The following COL5A1 variants were observed in gnomAD, a reference collection of about 807,000 sequenced individuals.
COL5A1 encodes collagen type V alpha 1 chain, also known as collagen alpha-1(V) chain.
COL5A1 carries 16 observed loss-of-function variants against 263.7 expected under a neutral mutation model. The observed-to-expected ratio is 0.06, with a 90% CI of 0.04 to 0.09. COL5A1 has a LOEUF of 0.09. COL5A1 is among the 10% of genes least tolerant of loss of function. The pLI, the probability that COL5A1 is intolerant of heterozygous loss-of-function variation, is 1.00. For synonymous variants in COL5A1, 1,012 were observed against 1,004.5 expected, an observed-to-expected ratio of 1.01 and a Z score of -0.14; for missense variants, 2,036 against 2,540.5, an observed-to-expected ratio of 0.80 and a Z score of 4.27.
chr9:134,690,087 A>G (rs898198730), intron 1 of COL5A1, among the ~76,000 whole-genome samples: 1 of 151,994 alleles, frequency 6.6e-6, no homozygotes, highest in African/African-American at 2.4e-5. Flanking sequence ...CCTGGTAATG[A>G]TCACGGCTTC....
chr9:134,711,052 TG>T (rs944958933), intron 4 of COL5A1, among the ~76,000 whole-genome samples: 3 of 149,018 alleles, frequency 2.0e-5, no homozygotes, highest in African/African-American at 7.4e-5. Context: ...GGGGACCACT[TG>T]GGGGGGCAGC....
intron 36 of COL5A1, among the ~76,000 whole-genome samples, chr9:134,797,319 C>T (rs1441937471): frequency 6.6e-6 from 1 of 152,208 alleles, no homozygotes; most frequent in Non-Finnish European, 1.5e-5. Context: ...TCAGTCAGAG[C>T]TGGCACCTTC....
In COL5A1 at chr9:134,738,794, G is replaced by A. The variant is rs779897281; in HGVS notation, c.1480G>A (p.Asp494Asn). The A allele has an allele frequency of 1.9e-6, 3 of 1,613,712 alleles. No individual in the cohort carries two copies. Among genetic ancestry groups the A allele is most frequent in the Non-Finnish European group, 1.7e-6 (2 of 1,179,646 alleles). The stretch of plus-strand genomic sequence containing the variant: ...CATGGGTCCCACTGGCCAAGTCGGG[G>A]ACCCTGGAGAAAGGGTAAGAGGTTG... ...GTMGPTGQVG[D>N]PGERGPPGRP... The change falls in exon 11 of 66, where the codon GAC (aspartate) becomes AAC (asparagine). Residue 494 changes from aspartate to asparagine, a missense_variant. By Grantham distance (23) the Asp-to-Asn change is conservative. Transcript: ENST00000371817.
chr9:134,752,061 C>T lies in COL5A1; in HGVS notation c.1663-528C>T, dbSNP rs568546817. 2.8e-4 allele frequency among the ~76,000 whole-genome samples: 42 copies of T among 152,346 alleles called. No homozygotes were observed. In the South Asian group the frequency reaches 8.3e-3, roughly 30 times the overall value. On this transcript the variant is annotated intron_variant, in intron 13 of 65. Transcript: ENST00000371817. ...CTGCAGAAGCGGCTCTGTGGGAAAG[C>T]GGTGGGCCCTGCACTGGTGCAGGTG...
At position 134,843,384 on chromosome 9, in the gene COL5A1, G is replaced by T. The variant is rs1830158067; in HGVS notation, c.*1081G>T. 1 of 83,152 alleles carries T rather than the reference G, an allele frequency of 1.2e-5. No individual in the cohort carries two copies. The highest frequency in any genetic ancestry group is 4.1e-5 in the African/African-American group (1 of 24,236). 5.2% of individuals were successfully genotyped at this position (83,152 alleles called of 1,614,324 possible). ...ACTTCTCTCTTGTGGCTCTCTTGTG[G>T]TGCTATCTATCTGTTTTAAGGTCTC... is the stretch of plus-strand genomic sequence containing the variant. On this transcript the variant is annotated 3_prime_UTR_variant, in exon 66 of 66. Transcript: ENST00000371817.
intron 63 of COL5A1, among the ~76,000 whole-genome samples, chr9:134,826,895 T>G (rs943833672): frequency 6.6e-6 from 1 of 152,052 alleles, no homozygotes; most frequent in African/African-American, 2.4e-5. Context: ...GGCTGGCATG[T>G]GCATGCATGT....
intron 1 of COL5A1, among the ~76,000 whole-genome samples, chr9:134,650,035 G>C (rs994285423): frequency 2.0e-5 from 3 of 151,812 alleles, no homozygotes; most frequent in Non-Finnish European, 2.9e-5. Flanking sequence ...GGGCCTGTTG[G>C]GGGGTGGGGG....
At position 134,784,018 on chromosome 9, in the gene COL5A1, A is replaced by G. The variant is rs529440266; in HGVS notation, c.2485-971A>G. ...CTCCGAGAGTGGAGCTCTCGTTGCCATGGGACGAGGGTGGGATGCAGGGGT... is the reference window on the plus strand; with the variant it reads ...CTCCGAGAGTGGAGCTCTCGTTGCCGTGGGACGAGGGTGGGATGCAGGGGT... On this transcript the variant is annotated intron_variant, in intron 29 of 65. Transcript: ENST00000371817. Among the ~76,000 whole-genome samples the G allele has an allele frequency of 4.6e-5, 7 of 152,256 alleles. No individual in the cohort carries two copies. The South Asian group carries it at 1.2e-3, about 27-fold the overall frequency.
intron 4 of COL5A1, among the ~76,000 whole-genome samples, chr9:134,721,641 G>C (rs966340170): frequency 2.0e-5 from 3 of 152,172 alleles, no homozygotes; most frequent in Non-Finnish European, 4.4e-5. Context: ...CTCCTCCTCC[G>C]CCCAGTCCTT....
rs569850937 is a variant in COL5A1, at chr9:134,789,732, A to T, written c.2700+524A>T. The stretch of plus-strand genomic sequence containing the variant: ...TTGAGTCCCCTTTGTCCTCACCCTC[A>T]GCGAAGGAACAGGGGGCCGGGCTGA... On this transcript the variant is annotated intron_variant, in intron 32 of 65. Transcript: ENST00000371817. This position sits in a 1 kb window ranked among gnomAD's most constrained non-coding sequence, Gnocchi z 4.8. 9.2e-5 allele frequency among the ~76,000 whole-genome samples: 14 copies of T among 152,296 alleles called. No homozygotes were observed. The East Asian group carries it at 2.5e-3, about 27-fold the overall frequency.
At chr9:134,726,807 G>A (rs1264122785) in intron 4 of COL5A1, among the ~76,000 whole-genome samples, 1 of 149,442 alleles carries the variant, frequency 6.7e-6, no homozygotes, top group Admixed American at 6.7e-5. Context: ...TATGCAGATG[G>A]ATTGATGGAT....
intron 46 of COL5A1, 108 bp from the exon 47 acceptor site, chr9:134,812,341 G>A (rs1838556215): frequency 2.6e-6 from 3 of 1,172,228 alleles, no homozygotes; most frequent in African/African-American, 3.0e-5. Flanking sequence ...CCTTCCCGGG[G>A]CTTCGGGGGC....
intron 63 of COL5A1, among the ~76,000 whole-genome samples, chr9:134,826,402 TG>T (rs1839263432): frequency 2.0e-5 from 3 of 152,152 alleles, no homozygotes; most frequent in South Asian, 4.1e-4. Flanking sequence ...GAATTCGGGG[TG>T]GGGAGCTGGG....
At chr9:134,657,327 T>A (rs1317524413) in intron 1 of COL5A1, among the ~76,000 whole-genome samples, 1 of 62,988 alleles carries the variant, frequency 1.6e-5, no homozygotes, top group Non-Finnish European at 3.1e-5. Flanking sequence ...GGTGTAGGTG[T>A]AGTTTATAGA....
chr9:134,717,635 G>A (rs1328352061), intron 4 of COL5A1, among the ~76,000 whole-genome samples: 1 of 152,230 alleles, frequency 6.6e-6, no homozygotes, highest in Non-Finnish European at 1.5e-5. Flanking sequence ...GACAGGGGAG[G>A]TTTGTGGCAG....
At chr9:134,676,032 T>C (rs1832676079) in intron 1 of COL5A1, among the ~76,000 whole-genome samples, 1 of 152,206 alleles carries the variant, frequency 6.6e-6, no homozygotes, top group South Asian at 2.1e-4. Context: ...TTCCACACTT[T>C]AAAAATTTTG....
Position 134,783,479 on chromosome 9 carries a change from G to A in COL5A1, c.2484+759G>A, listed in dbSNP as rs147752086. Among the ~76,000 whole-genome samples, 303 of 152,266 alleles carry A rather than the reference G, an allele frequency of 2.0e-3. 2 individuals are homozygous for A. Among genetic ancestry groups the A allele is most frequent in the Middle Eastern group, 0.017 (5 of 294 alleles). ...AGCCAGGGTGGCCAAAAGACTCTTG[G>A]AGGTTTCCCCAGTAACCTCTCAGCG... On this transcript the variant is annotated intron_variant, in intron 29 of 65. Coordinates refer to ENST00000371817, the MANE Select transcript of COL5A1 (RefSeq NM_000093.5).
rs547576525 is a variant in COL5A1 at position 134,675,114 on chromosome 9, G to A, written c.110-15798G>A. On this transcript the variant is annotated intron_variant, in intron 1 of 65. Transcript: ENST00000371817. ...ACTGTGATATGTGCAGTCCTCTCCA[G>A]TTGGGACATCTGCTTTCTTTCTATG... 3.3e-5 allele frequency among the ~76,000 whole-genome samples: 5 copies of A among 152,304 alleles called. No homozygotes were observed. The South Asian group carries it at 1.0e-3, about 32-fold the overall frequency.
At chr9:134,804,192 A>G (rs1179929190) in intron 39 of COL5A1, among the ~76,000 whole-genome samples, 1 of 152,164 alleles carries the variant, frequency 6.6e-6, no homozygotes, top group African/African-American at 2.4e-5. Context: ...ACATGTGTAC[A>G]TGCACACGTG....
Sources: gnomAD v4.1 joint callset for allele counts (sites outside exome capture counted in the v4.1 genomes callset) on GRCh38, gnomAD v4.1.1 for gene constraint, Gnocchi (gnomAD v3.1) non-coding constraint, MANE v1.5 for transcripts, NCBI Gene and HGNC (gene_info 2026-07-23, HGNC 2026-07-21) for gene names.